TRPC5: variants seen among roughly 807,000 people sequenced by gnomAD.
TRPC5 encodes the protein transient receptor potential cation channel subfamily C member 5.
Under a neutral mutation model 56.5 loss-of-function variants are expected in TRPC5, and 9 were observed. The observed-to-expected ratio is 0.16, with a 90% CI of 0.10 to 0.28. The LOEUF is 0.28. Ranked by LOEUF, TRPC5 falls within the 10% of genes least tolerant of loss-of-function variation. TRPC5 has a pLI of 1.00. For missense variants in TRPC5, 469 were observed against 748.9 expected (o/e 0.63, Z 4.36); for synonymous variants, 282 against 278.5 (o/e 1.01, Z -0.13).
chrX:112,026,350 T>C (rs1234052709), intron 1 of TRPC5, among the ~76,000 whole-genome samples: 2 of 112,537 alleles, frequency 1.8e-5, no homozygotes, highest in Non-Finnish European at 3.7e-5. Context: ...TTTGGACAGA[T>C]TGCTGGACCC....
chrX:112,028,508 G>T (rs1447834515), intron 1 of TRPC5, among the ~76,000 whole-genome samples: 2 of 111,484 alleles, frequency 1.8e-5, no homozygotes, highest in East Asian at 5.7e-4. Flanking sequence ...TCCCACCTGT[G>T]AGTGAGAACA....
chrX:112,062,038 T>C (rs1930471404), intron 1 of TRPC5, among the ~76,000 whole-genome samples: 1 of 111,628 alleles, frequency 9.0e-6, no homozygotes, highest in African/African-American at 3.3e-5. Flanking sequence ...CTCCAGGCTA[T>C]TCCATTTTAC....
intron 1 of TRPC5, among the ~76,000 whole-genome samples, chrX:111,990,795 G>T (rs975648004): frequency 8.9e-6 from 1 of 111,869 alleles, no homozygotes; most frequent in Non-Finnish European, 1.9e-5. Context: ...CAGAGAGATC[G>T]AATTGTCTCA....
At position 111,859,967 on chromosome X, in the gene TRPC5, G is replaced by T. The variant is rs772684172; in HGVS notation, c.901-5861C>A. On this transcript the variant is annotated intron_variant, in intron 3 of 10. Transcript: ENST00000262839. ...TCTGTCGCCCAGGCTGGAGTGCAGG[G>T]GCGAGATCTCAGCTCACTGCAAGCT... is the stretch of plus-strand genomic sequence containing the variant. Among the ~76,000 whole-genome samples the T allele has an allele frequency of 4.0e-4, 45 of 113,086 alleles. No individual in the cohort carries two copies. In the South Asian group the frequency reaches 0.013, roughly 32 times the overall value.
At chrX:111,813,574 T>G (rs1261475287) in intron 7 of TRPC5, among the ~76,000 whole-genome samples, 2 of 112,590 alleles carry the variant, frequency 1.8e-5, no homozygotes, top group Non-Finnish European at 3.7e-5. Context: ...TCTTACATAT[T>G]CTTTCAGATT....
rs140010545 is a variant in TRPC5, at chrX:111,975,056, C to T, written c.-21-22615G>A. Reference sequence around the variant, plus strand: ...TATGGCTGTGTCTATGCCCAGAAAGCACCTGAGAAGGCCCTAATCACTCAT... The same window carrying T: ...TATGGCTGTGTCTATGCCCAGAAAGTACCTGAGAAGGCCCTAATCACTCAT... On this transcript the variant is annotated intron_variant, in intron 1 of 10. Transcript: ENST00000262839. Among the ~76,000 whole-genome samples, 895 of 110,864 alleles carry T rather than the reference C, an allele frequency of 8.1e-3. 8 individuals carry two copies. The highest frequency in any genetic ancestry group is 0.028 in the African/African-American group (841 of 30,472).
At chrX:112,011,712 A>G (rs1231019225) in intron 1 of TRPC5, among the ~76,000 whole-genome samples, 1 of 111,139 alleles carries the variant, frequency 9.0e-6, no homozygotes, top group Non-Finnish European at 1.9e-5. Context: ...ATATCAAAAT[A>G]GTGGTGAGTC....
chrX:111,895,722 G>T (rs1258983501), intron 3 of TRPC5, among the ~76,000 whole-genome samples: 2 of 110,965 alleles, frequency 1.8e-5, no homozygotes, highest in Admixed American at 1.9e-4. Context: ...TTATTTGTCT[G>T]TCCTTGAGCC....
intron 1 of TRPC5, among the ~76,000 whole-genome samples, chrX:112,076,226 C>T (rs1359122320): frequency 9.0e-6 from 1 of 110,605 alleles, no homozygotes; most frequent in African/African-American, 3.3e-5. Flanking sequence ...AGGTCTGGAA[C>T]ATACCAAAGG....
At chrX:111,997,831 T>G (rs931360465) in intron 1 of TRPC5, among the ~76,000 whole-genome samples, 29 of 110,814 alleles carry the variant, frequency 2.6e-4, no homozygotes, top group Non-Finnish European at 4.5e-4. Context: ...GCCATGGTTT[T>G]CAGCTCCATC....
At chrX:111,949,396 C>T (rs928696293) in intron 2 of TRPC5, among the ~76,000 whole-genome samples, 1 of 111,885 alleles carries the variant, frequency 8.9e-6, no homozygotes, top group Admixed American at 9.5e-5. Flanking sequence ...GCAGAGTTAA[C>T]AAACAACCCA....
At chrX:112,001,775 CA>C (rs1928703459) in intron 1 of TRPC5, among the ~76,000 whole-genome samples, 1 of 111,778 alleles carries the variant, frequency 8.9e-6, no homozygotes, top group Non-Finnish European at 1.9e-5. Context: ...CAAAACAAAA[CA>C]AAAAGTGAAC....
chrX:112,073,811 C>T (rs1229075701), intron 1 of TRPC5, among the ~76,000 whole-genome samples: 1 of 111,811 alleles, frequency 8.9e-6, no homozygotes, highest in Non-Finnish European at 1.9e-5. Context: ...ACCTCGCCTT[C>T]ACATTTTCTT....
At position 111,912,597 on chromosome X, in the gene TRPC5, G is replaced by A. The variant is rs2148620545; in HGVS notation, c.594C>T (p.Asn198=). 8.3e-7 allele frequency: 1 copy of A among 1,211,560 alleles called. No individual in the cohort carries two copies. The highest frequency in any genetic ancestry group is 3.0e-5 in the East Asian group (1 of 33,834). The stretch of plus-strand genomic sequence containing the variant: ...AGGGGCTTGCCAGAGCCTTATAGAT[G>A]TTCAGTCGGGAGCGAGAGTGGCGCA... ...DSLRHSRSRL[N]IYKALASPSL... The change falls in exon 3 of 11, where the codon AAC becomes AAT. Residue 198 remains asparagine, a synonymous_variant. Transcript: ENST00000262839.
chrX:111,936,429 G>C (rs1209906700), intron 2 of TRPC5, among the ~76,000 whole-genome samples: 3 of 108,651 alleles, frequency 2.8e-5, no homozygotes, highest in African/African-American at 1.0e-4. Flanking sequence ...GTGCCATGCT[G>C]GTGTGCTGCA....
chrX:112,064,400 T>C (rs1930531506), intron 1 of TRPC5, among the ~76,000 whole-genome samples: 1 of 111,888 alleles, frequency 8.9e-6, no homozygotes, highest in African/African-American at 3.3e-5. Context: ...AACCTTTGCT[T>C]TGGGCCACAA....
At chrX:111,805,795 C>T (rs888187322) in intron 7 of TRPC5, among the ~76,000 whole-genome samples, 3 of 110,787 alleles carry the variant, frequency 2.7e-5, no homozygotes, top group African/African-American at 9.9e-5. Flanking sequence ...ACCTCAACCT[C>T]CTGAGTAGCT....
At chrX:111,781,739 C>CA (rs1263130963) in intron 8 of TRPC5, among the ~76,000 whole-genome samples, 196 bp downstream of exon 8, 6 of 108,488 alleles carry the variant, frequency 5.5e-5, no homozygotes, top group Admixed American at 9.8e-5. Flanking sequence ...GTAATAAATA[C>CA]AAAAAATTAG....
In TRPC5 at chrX:112,003,603, G is replaced by C. The variant is rs1464247658; in HGVS notation, c.-21-51162C>G. The stretch of plus-strand genomic sequence containing the variant: ...GCTGGTTTGCATATGCAAGGTTGTA[G>C]GAGGTTTAGTGTCCTGGTCCCTGCA... On this transcript the variant is annotated intron_variant, in intron 1 of 10. Transcript: ENST00000262839. Among the ~76,000 whole-genome samples the C allele has an allele frequency of 3.6e-5, 4 of 110,636 alleles. No homozygotes were observed. The East Asian group carries it at 1.1e-3, about 32-fold the overall frequency.
Sources: gnomAD v4.1 joint callset for allele counts (sites outside exome capture counted in the v4.1 genomes callset) on GRCh38, gnomAD v4.1.1 for gene constraint, MANE v1.5 for transcripts, NCBI Gene and HGNC (gene_info 2026-07-23, HGNC 2026-07-21) for gene names.